Variants in LRRC38 observed in about 807,000 individuals in gnomAD.
LRRC38 encodes the protein leucine-rich repeat-containing protein 38.
Under a neutral mutation model 16.4 loss-of-function variants are expected in LRRC38, and 5 were observed. The observed-to-expected ratio is 0.31, with a 90% confidence interval of 0.16 to 0.64. The LOEUF is 0.64. LRRC38 is among the 30% of genes least tolerant of loss of function. The probability of loss-of-function intolerance (pLI) is 0.80; values close to 1 mark genes in which losing one functional copy is unlikely to be tolerated. For missense variants in LRRC38, 341 were observed against 401.8 expected (o/e 0.85, Z 1.29); for synonymous variants, 191 against 190.2 (o/e 1.00, Z -0.04).
In LRRC38 at chr1:13,513,418, C is replaced by T. The variant is rs1339329635; in HGVS notation, c.176G>A (p.Arg59His). 16 of 1,550,292 alleles carry T rather than the reference C, an allele frequency of 1.0e-5. No individual in the cohort carries two copies. Among genetic ancestry groups the T allele is most frequent in the Non-Finnish European group, 1.4e-5 (16 of 1,146,876 alleles). ...GCGGTTGCCGGCCACCAGCAGCTTG[C>T]GCACGTCCAGGGGGAAAGGGTCTGG... ...SVPDPFPLDV[R>H]KLLVAGNRIQ... Residue 59 changes from arginine (R) to histidine (H), a missense_variant, in exon 1 of 2, where the codon CGC becomes CAC. Coordinates refer to ENST00000376085, the MANE Select transcript of LRRC38 (RefSeq NM_001010847.2).
At chr1:13,497,732 T>C (rs564654497) in intron 1 of LRRC38, among the ~76,000 whole-genome samples, 1 of 152,094 alleles carries the variant, frequency 6.6e-6, no homozygotes, top group African/African-American at 2.4e-5. Context: ...TCCTAGCACT[T>C]TGGGAGGCCG....
chr1:13,503,402 G>T (rs1353706699), intron 1 of LRRC38, among the ~76,000 whole-genome samples: 1 of 152,118 alleles, frequency 6.6e-6, no homozygotes, highest in Non-Finnish European at 1.5e-5. Context: ...CCGAGTAGCT[G>T]GGACTACAGG....
At chr1:13,481,955 G>A (rs964566613) in intron 1 of LRRC38, among the ~76,000 whole-genome samples, 4 of 152,176 alleles carry the variant, frequency 2.6e-5, no homozygotes, top group Non-Finnish European at 5.9e-5. Flanking sequence ...ATAAATGCCT[G>A]CTTGTTAAGC....
chr1:13,500,489 C>T (rs922099579), intron 1 of LRRC38, among the ~76,000 whole-genome samples: 2 of 152,180 alleles, frequency 1.3e-5, no homozygotes, highest in Non-Finnish European at 2.9e-5. Flanking sequence ...CAGCAACAGG[C>T]TAATCAGAAA....
intron 1 of LRRC38, among the ~76,000 whole-genome samples, chr1:13,506,036 C>G (rs79362442): frequency 0.035 from 5,336 of 151,744 alleles, 146 homozygotes; most frequent in East Asian, 0.11. Flanking sequence ...TCTGGGGATT[C>G]AAGGAAGAAC....
chr1:13,500,299 A>T (rs1639133568), intron 1 of LRRC38, among the ~76,000 whole-genome samples: 1 of 151,768 alleles, frequency 6.6e-6, no homozygotes, highest in Non-Finnish European at 1.5e-5. Context: ...AAAAGAAAAA[A>T]GCTACATACC....
At chr1:13,509,821 A>T (rs1639254623) in intron 1 of LRRC38, among the ~76,000 whole-genome samples, 1 of 152,142 alleles carries the variant, frequency 6.6e-6, no homozygotes, top group Non-Finnish European at 1.5e-5. Flanking sequence ...CAACTTATAC[A>T]CAGTCCCACC....
intron 1 of LRRC38, among the ~76,000 whole-genome samples, chr1:13,503,119 A>G (rs1200134745): frequency 1.3e-5 from 2 of 152,134 alleles, no homozygotes; most frequent in South Asian, 2.1e-4. Flanking sequence ...GAGGAGGCTG[A>G]CACAAGAGGT....
rs1213163951 is a variant in LRRC38 at position 13,513,207 on chromosome 1, C to A, written c.387G>T (p.Arg129Ser). 2 of 1,550,506 alleles carry A rather than the reference C, an allele frequency of 1.3e-6. No homozygotes were observed. The highest frequency in any genetic ancestry group is 4.9e-5 in the East Asian group (2 of 40,872). ...LGAGAFRSAG[R>S]LVKLSLANNN... ...TGTTAGCCAGGCTAAGCTTCACCAG[C>A]CTCCCGGCCGAGCGGAAGGCGCCGG... Residue 129 changes from arginine (R) to serine (S), a missense_variant, in exon 1 of 2, where the codon AGG (arginine) becomes AGT (serine). Transcript: ENST00000376085.
chr1:13,485,710 C>G lies in LRRC38; in HGVS notation c.632-9611G>C, dbSNP rs551282617. Among the ~76,000 whole-genome samples the G allele has an allele frequency of 7.1e-4, 108 of 152,284 alleles. 1 individual carries two copies. The highest frequency in any genetic ancestry group is 2.3e-3 in the African/African-American group (97 of 41,558). On this transcript the variant is annotated intron_variant, in intron 1 of 1. Transcript: ENST00000376085. Reference sequence around the variant, plus strand: ...TGCTACCTCCATTGGTGGCCTGAGCCTGGAGTACTCAGGGCAAAGAGCACT... The same window carrying G: ...TGCTACCTCCATTGGTGGCCTGAGCGTGGAGTACTCAGGGCAAAGAGCACT...
chr1:13,500,180 G>A lies in LRRC38; in HGVS notation c.631+12783C>T, dbSNP rs567234833. Reference sequence around the variant, plus strand: ...TGAGGCAGGAGAATCACTTGAACCCGGGAGGCAGAGATTGCAGTGAGCCGA... The same window carrying A: ...TGAGGCAGGAGAATCACTTGAACCCAGGAGGCAGAGATTGCAGTGAGCCGA... On this transcript the variant is annotated intron_variant, in intron 1 of 1. Coordinates refer to ENST00000376085, the MANE Select transcript of LRRC38 (RefSeq NM_001010847.2). Among the ~76,000 whole-genome samples, 8 of 151,584 alleles carry A rather than the reference G, an allele frequency of 5.3e-5. No individual in the cohort carries two copies. In the South Asian group the frequency reaches 6.2e-4, roughly 12 times the overall value.
intron 1 of LRRC38, among the ~76,000 whole-genome samples, chr1:13,486,195 T>C (rs889306978): frequency 1.3e-5 from 2 of 152,196 alleles, no homozygotes; most frequent in Non-Finnish European, 2.9e-5. Context: ...CTTTGGCTTA[T>C]GGCCGCCTCC....
At chr1:13,506,607 G>A (rs188731748) in intron 1 of LRRC38, among the ~76,000 whole-genome samples, 44 of 152,242 alleles carry the variant, frequency 2.9e-4, no homozygotes, top group African/African-American at 8.7e-4. Context: ...ACAGGTGCAC[G>A]CCACCGTGCC....
intron 1 of LRRC38, among the ~76,000 whole-genome samples, chr1:13,510,405 T>G (rs182091510): frequency 6.6e-6 from 1 of 152,280 alleles, no homozygotes; most frequent in Admixed American, 6.5e-5. Flanking sequence ...CAGCGCCAAT[T>G]AAAACACTTA....
intron 1 of LRRC38, among the ~76,000 whole-genome samples, chr1:13,483,045 G>A (rs554340452): frequency 6.6e-6 from 1 of 152,254 alleles, no homozygotes; most frequent in African/African-American, 2.4e-5. Context: ...CCACTGCATC[G>A]TGCCTCCCAC....
intron 1 of LRRC38, among the ~76,000 whole-genome samples, chr1:13,481,596 C>G (rs576795057): frequency 1.3e-5 from 2 of 151,576 alleles, no homozygotes; most frequent in East Asian, 3.9e-4. Flanking sequence ...GGGGTTTCAC[C>G]GTGTTAGCCA....
chr1:13,481,450 G>A (rs1638855062), intron 1 of LRRC38, among the ~76,000 whole-genome samples: 1 of 150,702 alleles, frequency 6.6e-6, no homozygotes, highest in East Asian at 2.0e-4. Context: ...GGAGTGCACT[G>A]GCATGATCTC....
At chr1:13,478,064 A>G (rs1163355945) in intron 1 of LRRC38, among the ~76,000 whole-genome samples, 5 of 152,160 alleles carry the variant, frequency 3.3e-5, no homozygotes, top group Non-Finnish European at 5.9e-5. Flanking sequence ...GCTGCTAAAG[A>G]CTGTTTGTTA....
intron 1 of LRRC38, among the ~76,000 whole-genome samples, chr1:13,500,680 A>G (rs1165001819): frequency 6.6e-6 from 1 of 152,260 alleles, no homozygotes; most frequent in African/African-American, 2.4e-5. Context: ...CCATGTCTTC[A>G]GGACCTCCTG....
Sources: gnomAD v4.1 joint callset for allele counts (sites outside exome capture counted in the v4.1 genomes callset) on GRCh38, gnomAD v4.1.1 for gene constraint, MANE v1.5 for transcripts, NCBI Gene and HGNC (gene_info 2026-07-23, HGNC 2026-07-21) for gene names.